OXA1L: variants seen among roughly 807,000 people sequenced by gnomAD.
OXA1L encodes mitochondrial inner membrane protein OXA1L.
OXA1L carries 42 observed loss-of-function variants against 52.2 expected under a neutral mutation model. The observed-to-expected ratio is 0.80, with a 90% CI of 0.63 to 1.04. The LOEUF is 1.04. OXA1L is among the 50% of genes least tolerant of loss of function. The pLI is 0.00. For synonymous variants in OXA1L, 239 were observed against 201.9 expected (o/e 1.18, Z -1.56); for missense variants, 572 against 555.0 (o/e 1.03, Z -0.31).
In OXA1L at chr14:22,771,644, C is replaced by T. The variant is rs778755853; in HGVS notation, c.*86C>T. 3.2e-5 allele frequency: 45 copies of T among 1,385,402 alleles called. No individual in the cohort carries two copies. The highest frequency in any genetic ancestry group is 4.3e-5 in the Non-Finnish European group (42 of 978,458). The allele number at this position is 1,385,402 out of a possible 1,614,324, so 85.8% of individuals were successfully genotyped here. A position where few individuals can be genotyped will look rare whatever the true frequency, so the allele number is the denominator to read the frequency against. On this transcript the variant is annotated 3_prime_UTR_variant, in exon 10 of 10. Transcript: ENST00000612549. ...AAGACTTGACACTGTGTCCTTGCCC[C>T]AGTCCTAGGAACTGTGGCACACAGA...
At position 22,771,317 on chromosome 14, in the gene OXA1L, C is replaced by T; in HGVS notation, c.1152C>T (p.Arg384=). The T allele has an allele frequency of 5.6e-6, 9 of 1,614,208 alleles. No homozygotes were observed. Among genetic ancestry groups the T allele is most frequent in the Non-Finnish European group, 7.6e-6 (9 of 1,180,002 alleles). ...MTRQLREREQ[R]MRNQLELAAR... The stretch of plus-strand genomic sequence containing the variant: ...GTCAGCTGCGAGAGCGTGAACAACG[C>T]ATGCGGAATCAGTTGGAGCTAGCAG... The change falls in exon 9 of 10, where the codon CGC becomes CGT. Residue 384 remains arginine, a synonymous_variant. Transcript: ENST00000612549.
chr14:22,770,346 G>A (rs936203307), intron 5 of OXA1L, 68 bp downstream of exon 5: 2 of 1,520,806 alleles, frequency 1.3e-6, no homozygotes, highest in Middle Eastern at 1.7e-4. Context: ...TGTTTCATGT[G>A]TCCCAGGTCC....
Position 22,770,456 on chromosome 14 carries a change from A to C in OXA1L, c.670-5A>C, listed in dbSNP as rs768156844. 6 of 1,612,432 alleles carry C rather than the reference A, an allele frequency of 3.7e-6. No individual in the cohort carries two copies. The highest frequency in any genetic ancestry group is 5.1e-6 in the Non-Finnish European group (6 of 1,178,594). On this transcript the variant is annotated splice_region_variant and splice_polypyrimidine_tract_variant and intron_variant, in intron 5 of 9. Transcript: ENST00000612549. Reference sequence around the variant, plus strand: ...CATGCTGACACTGTTTATCTTGTGTAATAGGCCCCAATCTTCATCTCCTTC... The same window carrying C: ...CATGCTGACACTGTTTATCTTGTGTCATAGGCCCCAATCTTCATCTCCTTC...
In OXA1L at chr14:22,768,014, G is replaced by A; in HGVS notation, c.282G>A (p.Val94=). ...CCTCACCCACAGCAGTACCTGAGGT[G>A]GCTTCTGGAGAGACTGCAGATGTAG... ...ATPSPTAVPE[V]ASGETADVVQ... Residue 94 remains valine, a synonymous_variant, in exon 3 of 10, where the codon GTG becomes GTA. Transcript: ENST00000612549. The A allele has an allele frequency of 6.2e-7, 1 of 1,614,202 alleles. No homozygotes were observed.
At chr14:22,770,415 G>A (rs1355698851) in intron 5 of OXA1L, 46 bp from the exon 6 acceptor site, 2 of 1,600,080 alleles carry the variant, frequency 1.2e-6, no homozygotes, top group South Asian at 1.1e-5. Flanking sequence ...TGATGAAAAT[G>A]TTCTCTCTGG....
intron 2 of OXA1L, 192 bp downstream of exon 2, chr14:22,767,601 G>A (rs2038420744): frequency 3.6e-6 from 2 of 554,898 alleles, no homozygotes; most frequent in East Asian, 3.0e-5. Context: ...AGTACAACAG[G>A]AGAGATGTTA....
Position 22,766,757 on chromosome 14 carries a change from G to A in OXA1L, c.56G>A (p.Gly19Glu), listed in dbSNP as rs769786211. Residue 19 changes from glycine (G) to glutamate (E), a missense_variant, in exon 1 of 10, where the codon GGG becomes GAG. Physicochemically the swap from Gly to Glu is moderately conservative, Grantham distance 98 (BLOSUM62 -2). Transcript: ENST00000612549. ...RRELLRLLQS[G>E]RRVHSVAGPS... The stretch of plus-strand genomic sequence containing the variant: ...GAGCTTCTGCGCTTGCTACAGTCCG[G>A]GCGTCGGGTAAGGATGCCCCGGGGC... The A allele has an allele frequency of 6.2e-7, 1 of 1,614,084 alleles. No homozygotes were observed. Among genetic ancestry groups the A allele is most frequent in the South Asian group, 1.1e-5 (1 of 91,088 alleles).
rs1051180483 is a variant in OXA1L at position 22,767,390 on chromosome 14, T to G, written c.206T>G (p.Ile69Ser). 6.2e-7 allele frequency: 1 copy of G among 1,609,220 alleles called. No individual in the cohort carries two copies. The highest frequency in any genetic ancestry group is 1.3e-5 in the African/African-American group (1 of 74,622). ...CCCCGCAGCCTCAGTACCTCTGCTA[T>G]CTCTTTTGCAGAAGTCCAGGTAAGA... ...SGPRSLSTSA[I>S]SFAEVQVQAP... The change falls in exon 2 of 10, where the codon ATC becomes AGC. Residue 69 changes from isoleucine (I) to serine (S), a missense_variant. This residue lies in a region of OXA1L where 186 missense variants were observed against 151.8 expected (regional missense o/e 1.23). Coordinates refer to ENST00000612549, the MANE Select transcript of OXA1L (RefSeq NM_005015.5).
In OXA1L at chr14:22,772,481, T is replaced by G. The variant is rs1308094520; in HGVS notation, c.*923T>G. ...TCCAGCCTGGGCAAGAGAGTGAGAC[T>G]CCTTCTCAAAAAAAAAAAAAAAAAA... On this transcript the variant is annotated 3_prime_UTR_variant, in exon 10 of 10. Transcript: ENST00000612549. 5 of 81,622 alleles carry G rather than the reference T, an allele frequency of 6.1e-5. No individual in the cohort carries two copies. Among genetic ancestry groups the G allele is most frequent in the Non-Finnish European group, 1.0e-4 (5 of 49,254 alleles). The allele number at this position is 81,622 out of a possible 1,614,324, so 5.1% of individuals were successfully genotyped here.
In OXA1L at chr14:22,771,345, A is replaced by G. The variant is rs2038460285; in HGVS notation, c.1180A>G (p.Arg394Gly). The change falls in exon 9 of 10, where the codon AGG becomes GGG. Residue 394 changes from arginine to glycine, a missense_variant. Arg to Gly is a moderately radical substitution (Grantham distance 125). Transcript: ENST00000612549. ...GCGGAATCAGTTGGAGCTAGCAGCC[A>G]GGGGTAAATAGTCCTTTCAGGCCAA... The part of the protein sequence containing the change: ...RMRNQLELAA[R>G]GPLRQTFTHN... 16 of 1,614,004 alleles carry G rather than the reference A, an allele frequency of 9.9e-6. No individual in the cohort carries two copies. The highest frequency in any genetic ancestry group is 1.3e-5 in the Non-Finnish European group (15 of 1,179,930).
intron 2 of OXA1L, chr14:22,767,747 A>G: frequency 1.9e-6 from 1 of 517,380 alleles, no homozygotes; most frequent in Non-Finnish European, 3.4e-6. Context: ...GCATGAAGGG[A>G]AGTCATGGAT....
intron 1 of OXA1L, chr14:22,766,998 G>C (rs531337625): frequency 6.5e-7 from 1 of 1,533,764 alleles, no homozygotes; most frequent in East Asian, 2.4e-5. Flanking sequence ...CCTCGGCCTC[G>C]TTCTCAGGGC....
At chr14:22,767,433 A>C (rs762772319) in intron 2 of OXA1L, 24 bp downstream of exon 2, 2 of 1,573,866 alleles carry the variant, frequency 1.3e-6, no homozygotes, top group Non-Finnish European at 1.7e-6. Context: ...CGTTCCTGCA[A>C]TATTAGGAGT....
At position 22,771,228 on chromosome 14, in the gene OXA1L, A is replaced by T. The variant is rs1039093891; in HGVS notation, c.1103-40A>T. The T allele has an allele frequency of 5.6e-6, 9 of 1,612,912 alleles. 1 individual carries two copies. The Admixed American group carries it at 8.3e-5, about 15-fold the overall frequency. On this transcript the variant is annotated intron_variant, in intron 8 of 9. Transcript: ENST00000612549. ...AAAGGACTAGGGAAAGGGGTCTAAAAATAGGAATGCAACTGACTCTCTTGC... is the reference window on the plus strand; with the variant it reads ...AAAGGACTAGGGAAAGGGGTCTAAATATAGGAATGCAACTGACTCTCTTGC...
chr14:22,767,973 G>C lies in OXA1L; in HGVS notation c.241G>C (p.Val81Leu), dbSNP rs752214665. The part of the protein sequence containing the change: ...FAEVQVQAPP[V>L]VAATPSPTAV... ...TTTCACACAGGTTCAGGCCCCTCCT[G>C]TTGTTGCTGCAACTCCCTCACCCAC... The change falls in exon 3 of 10, where the codon GTT becomes CTT. Residue 81 changes from valine (V) to leucine (L), a missense_variant. Val to Leu is a conservative substitution (Grantham distance 32). Coordinates refer to ENST00000612549, the MANE Select transcript of OXA1L (RefSeq NM_005015.5). The C allele has an allele frequency of 6.2e-7, 1 of 1,612,626 alleles. No individual in the cohort carries two copies. The highest frequency in any genetic ancestry group is 8.5e-7 in the Non-Finnish European group (1 of 1,178,678).
chr14:22,767,046 A>G, intron 1 of OXA1L: 3 of 1,536,036 alleles, frequency 2.0e-6, no homozygotes, highest in Non-Finnish European at 2.6e-6. Context: ...GATGCGGGGA[A>G]CCCAGGTTCG....
In OXA1L at chr14:22,768,156, G is replaced by A; in HGVS notation, c.424G>A (p.Gly142Arg). The A allele has an allele frequency of 1.2e-6, 2 of 1,613,828 alleles. No individual in the cohort carries two copies. The highest frequency in any genetic ancestry group is 1.7e-6 in the Non-Finnish European group (2 of 1,179,690). Residue 142 changes from glycine (G) to arginine (R), a missense_variant, in exon 3 of 10, where the codon GGG (glycine) becomes AGG (arginine). Coordinates refer to ENST00000612549, the MANE Select transcript of OXA1L (RefSeq NM_005015.5). ...MHVDLGLPWW[G>R]AIAACTVFAR... ...TGTTGATCTGGGCCTACCTTGGTGG[G>A]GGGCCATTGCTGCATGTAAGGGGAA...
chr14:22,767,205 C>G (rs777468624), intron 1 of OXA1L, 43 bp from the exon 2 acceptor site: 1 of 1,579,284 alleles, frequency 6.3e-7, no homozygotes, highest in South Asian at 1.1e-5. Context: ...GCGAGGACTT[C>G]TGCTCCCGGT....
At chr14:22,770,665 A>G (rs1172365201) in intron 6 of OXA1L, 40 bp downstream of exon 6, 1 of 1,600,670 alleles carries the variant, frequency 6.2e-7, no homozygotes. Flanking sequence ...TGCAAAGTGA[A>G]CTGGGGTTGG....
Sources: gnomAD v4.1 joint callset for allele counts on GRCh38, gnomAD v4.1.1 for gene constraint, gnomAD v4.1.1 regional missense constraint, MANE v1.5 for transcripts, NCBI Gene and HGNC (gene_info 2026-07-23, HGNC 2026-07-21) for gene names.